The following MAPK10 variants were observed in gnomAD, a reference collection of about 807,000 sequenced individuals.
MAPK10 encodes the protein mitogen-activated protein kinase 10.
A neutral mutation model predicts 59.3 loss-of-function variants in MAPK10; 25 were observed. The ratio of observed to expected loss-of-function variants is 0.42; its 90% CI spans 0.31 to 0.59. MAPK10 has a LOEUF of 0.59. Ranked by LOEUF, MAPK10 falls within the 20% of genes least tolerant of loss-of-function variation. The pLI, the probability that MAPK10 is intolerant of heterozygous loss-of-function variation, is 0.15. For missense variants in MAPK10, 351 were observed against 568.9 expected (o/e 0.62, Z 3.90); for synonymous variants, 190 against 200.5 (o/e 0.95, Z 0.44).
intron 11 of MAPK10, among the ~76,000 whole-genome samples, chr4:86,063,865 C>T (rs2046215183): frequency 6.6e-6 from 1 of 151,956 alleles, no homozygotes; most frequent in Non-Finnish European, 1.5e-5. Context: ...TCTTAAGTAT[C>T]ACATTTTACT....
At chr4:86,533,701 A>T (rs984001096) in intron 1 of MAPK10, among the ~76,000 whole-genome samples, 3 of 152,218 alleles carry the variant, frequency 2.0e-5, no homozygotes, top group Admixed American at 2.0e-4. Context: ...ACCACTTTGT[A>T]GCCTGATTCT....
chr4:86,088,129 C>A (rs2052323817), intron 9 of MAPK10, among the ~76,000 whole-genome samples: 1 of 152,074 alleles, frequency 6.6e-6, no homozygotes, highest in South Asian at 2.1e-4. Flanking sequence ...ACTAATCGCA[C>A]ACTATTCATA....
chr4:86,554,888 C>G (rs538579066), intron 1 of MAPK10, among the ~76,000 whole-genome samples: 9 of 152,180 alleles, frequency 5.9e-5, no homozygotes, highest in Non-Finnish European at 1.0e-4. Context: ...CACTCCCCAC[C>G]ACAGCCCTAA....
chr4:86,465,345 G>T (rs1490078351), intron 1 of MAPK10, among the ~76,000 whole-genome samples: 2 of 152,130 alleles, frequency 1.3e-5, no homozygotes, highest in Non-Finnish European at 2.9e-5. Context: ...ATTTTTCTCT[G>T]TATAGAATAT....
chr4:86,118,487 G>A (rs1420880044), intron 4 of MAPK10, among the ~76,000 whole-genome samples: 1 of 151,988 alleles, frequency 6.6e-6, no homozygotes, highest in Non-Finnish European at 1.5e-5. Flanking sequence ...GAGTGATAGA[G>A]CTTTCTGCTG....
chr4:86,579,898 C>T (rs2149111858), intron 1 of MAPK10, among the ~76,000 whole-genome samples: 1 of 152,262 alleles, frequency 6.6e-6, no homozygotes, highest in Admixed American at 6.5e-5. Context: ...ACTGTAACCT[C>T]AAACTCCTAG....
intron 11 of MAPK10, among the ~76,000 whole-genome samples, chr4:86,047,770 T>C (rs1356445858): frequency 6.6e-6 from 1 of 152,098 alleles, no homozygotes; most frequent in Non-Finnish European, 1.5e-5. Context: ...GATAAGTACT[T>C]TGAGTTTTGT....
rs973442988 is a variant in MAPK10, at chr4:86,087,815, C to T, written c.802+10709G>A. Among the ~76,000 whole-genome samples the T allele has an allele frequency of 3.3e-5, 5 of 151,468 alleles. No individual in the cohort carries two copies. The East Asian group carries it at 9.7e-4, about 29-fold the overall frequency. ...ATATATATATTCATATATGTAAAAC[C>T]AGATACAAATATTAATCCTCAAGTG... On this transcript the variant is annotated intron_variant, in intron 9 of 13. Transcript: ENST00000641462.
chr4:86,110,244 T>C (rs1336756469), intron 4 of MAPK10, among the ~76,000 whole-genome samples: 1 of 152,244 alleles, frequency 6.6e-6, no homozygotes, highest in Non-Finnish European at 1.5e-5. Flanking sequence ...ATCCCATTTG[T>C]CCTTTTTTGC....
At chr4:86,345,958 A>G (rs1222382775) in intron 2 of MAPK10, among the ~76,000 whole-genome samples, 1 of 152,236 alleles carries the variant, frequency 6.6e-6, no homozygotes, top group Non-Finnish European at 1.5e-5. Context: ...CTGTTTGAAT[A>G]GCAATGGTTG....
At chr4:86,055,169 G>A (rs2148967905) in intron 11 of MAPK10, among the ~76,000 whole-genome samples, 1 of 152,210 alleles carries the variant, frequency 6.6e-6, no homozygotes, top group South Asian at 2.1e-4. Flanking sequence ...TGGACTAATT[G>A]TCAAGTTTAA....
intron 1 of MAPK10, among the ~76,000 whole-genome samples, chr4:86,541,195 G>A (rs551990834): frequency 1.3e-5 from 2 of 152,284 alleles, no homozygotes; most frequent in Admixed American, 1.3e-4. Flanking sequence ...GGGAAAGTGG[G>A]GAGTGGGGGC....
intron 2 of MAPK10, among the ~76,000 whole-genome samples, chr4:86,205,407 A>T (rs1012946900): frequency 3.3e-5 from 5 of 152,042 alleles, no homozygotes; most frequent in Non-Finnish European, 7.4e-5. Flanking sequence ...AGAGATTTTA[A>T]CACATGTAAG....
chr4:86,159,909 CA>C (rs1023398406), intron 3 of MAPK10, among the ~76,000 whole-genome samples: 1 of 151,930 alleles, frequency 6.6e-6, no homozygotes, highest in African/African-American at 2.4e-5. Flanking sequence ...ATTGTATCTA[CA>C]ACCTTTTCTC....
At chr4:86,076,176 GTTTC>G (rs1257811674) in intron 9 of MAPK10, among the ~76,000 whole-genome samples, 3 of 152,154 alleles carry the variant, frequency 2.0e-5, no homozygotes, top group African/African-American at 7.2e-5. Flanking sequence ...TCTGTCACCC[GTTTC>G]TTTGACTCGG....
At chr4:86,087,327 G>A (rs1407455913) in intron 9 of MAPK10, among the ~76,000 whole-genome samples, 1 of 152,080 alleles carries the variant, frequency 6.6e-6, no homozygotes, top group Non-Finnish European at 1.5e-5. Context: ...TTAACAAATT[G>A]AGTCTATTTT....
chr4:86,571,150 T>C (rs1761413561), intron 1 of MAPK10, among the ~76,000 whole-genome samples: 1 of 151,792 alleles, frequency 6.6e-6, no homozygotes, highest in Non-Finnish European at 1.5e-5. Context: ...TAAAGTTGTA[T>C]TGTTTTATAT....
chr4:86,480,974 A>G (rs928867756), intron 1 of MAPK10, among the ~76,000 whole-genome samples: 1 of 152,194 alleles, frequency 6.6e-6, no homozygotes, highest in Non-Finnish European at 1.5e-5. Context: ...AAAACCAACA[A>G]GGCTGTCCAT....
intron 4 of MAPK10, among the ~76,000 whole-genome samples, chr4:86,154,565 T>C (rs1385873340): frequency 6.6e-6 from 1 of 152,130 alleles, no homozygotes; most frequent in Admixed American, 6.6e-5. Context: ...TAAGAAAAAG[T>C]ATCATAAGCC....
Sources: gnomAD v4.1 joint callset for allele counts (sites outside exome capture counted in the v4.1 genomes callset) on GRCh38, gnomAD v4.1.1 for gene constraint, MANE v1.5 for transcripts, NCBI Gene and HGNC (gene_info 2026-07-23, HGNC 2026-07-21) for gene names.